PARVA: variants seen among roughly 807,000 people sequenced by gnomAD.
PARVA encodes the protein parvin alpha, also known as alpha-parvin.
In PARVA, 25 loss-of-function variants were observed where a neutral mutation model predicts 52.6. The ratio of observed to expected loss-of-function variants is 0.48; its 90% CI spans 0.35 to 0.66. PARVA has a LOEUF of 0.66. Among genes scored for constraint, PARVA ranks in the 30% least tolerant of loss-of-function variants. PARVA has a pLI of 0.01. For missense variants in PARVA, 373 were observed against 450.9 expected (o/e 0.83, Z 1.56); for synonymous variants, 185 against 179.1 (o/e 1.03, Z -0.26).
chr11:12,518,327 G>C, intron 11 of PARVA, 118 bp from the exon 12 acceptor site: 1 of 727,776 alleles, frequency 1.4e-6, no homozygotes, highest in South Asian at 1.7e-5. Context: ...ATTTCTCCTT[G>C]AAATTAGTTC....
chr11:12,416,138 C>T lies in PARVA; in HGVS notation c.136+38355C>T, dbSNP rs138217204. On this transcript the variant is annotated intron_variant, in intron 1 of 12. Transcript: ENST00000334956. ...CCTTGGTGAAACTGATGGACTAGCA[C>T]AGTTTTAGAAAAATTTTCATCCGTA... Among the ~76,000 whole-genome samples the T allele has an allele frequency of 1.4e-3, 208 of 152,268 alleles. 4 individuals are homozygous for T. The East Asian group carries it at 0.036, about 26-fold the overall frequency.
chr11:12,453,069 TG>T (rs1370277971), intron 1 of PARVA: 1 of 455,024 alleles, frequency 2.2e-6, no homozygotes, highest in Non-Finnish European at 4.4e-6. Context: ...CGTGCTGTGG[TG>T]GGAGCGATTC....
intron 1 of PARVA, among the ~76,000 whole-genome samples, chr11:12,448,606 T>C (rs1048833477): frequency 5.9e-5 from 9 of 152,278 alleles, no homozygotes; most frequent in Non-Finnish European, 1.2e-4. Context: ...CTGTCGTTTA[T>C]TGGAATGAAG....
chr11:12,516,937 A>T (rs1456725608), intron 10 of PARVA, among the ~76,000 whole-genome samples: 1 of 152,140 alleles, frequency 6.6e-6, no homozygotes, highest in Non-Finnish European at 1.5e-5. Context: ...GCCCACATTC[A>T]TAACAGCTGC....
chr11:12,530,964 G>A lies in PARVA; in HGVS notation c.*3039G>A, dbSNP rs568107716. Among the ~76,000 whole-genome samples the A allele has an allele frequency of 3.3e-5, 5 of 152,136 alleles. No homozygotes were observed. The highest frequency in any genetic ancestry group is 1.2e-4 in the African/African-American group (5 of 41,422). ...CAGAGGCTGGGGCACATTATCAGAG[G>A]CATCCTCATGTGCCTCGAACCGAAT... On this transcript the variant is annotated 3_prime_UTR_variant, in exon 13 of 13. Coordinates refer to ENST00000334956, the MANE Select transcript of PARVA (RefSeq NM_018222.5).
rs562629615 is a variant in PARVA at position 12,428,472 on chromosome 11, A to G, written c.137-45273A>G. ...CTGGGGCCTGAGGACTGAGATGACC[A>G]AGACCCAGTCTCAAGTCACTATCTT... On this transcript the variant is annotated intron_variant, in intron 1 of 12. Transcript: ENST00000334956. 1.2e-3 allele frequency among the ~76,000 whole-genome samples: 184 copies of G among 152,382 alleles called. 8 individuals are homozygous for G. The South Asian group carries it at 0.038, about 31-fold the overall frequency.
chr11:12,445,056 G>C (rs1016718880), intron 1 of PARVA, among the ~76,000 whole-genome samples: 4 of 152,162 alleles, frequency 2.6e-5, no homozygotes, highest in African/African-American at 9.7e-5. Context: ...TGAGTGCACA[G>C]AGCCAACTGT....
intron 1 of PARVA, chr11:12,452,689 C>G (rs912435408): frequency 8.9e-6 from 2 of 223,754 alleles, no homozygotes; most frequent in Admixed American, 4.7e-5. Context: ...TAACTTATAC[C>G]CCGAATGAGC....
intron 1 of PARVA, among the ~76,000 whole-genome samples, chr11:12,381,392 A>G (rs1565322015): frequency 6.6e-6 from 1 of 152,158 alleles, no homozygotes; most frequent in African/African-American, 2.4e-5. Flanking sequence ...CTGTCCACAG[A>G]TTATCTCAGT....
chr11:12,464,132 A>G (rs1299188050), intron 1 of PARVA, among the ~76,000 whole-genome samples: 3 of 152,166 alleles, frequency 2.0e-5, no homozygotes, highest in African/African-American at 7.2e-5. Context: ...GGCTCTATGT[A>G]CATTCATTGC....
At chr11:12,379,865 TTTCTAACTTC>T (rs1176760560) in intron 1 of PARVA, among the ~76,000 whole-genome samples, 1 of 152,210 alleles carries the variant, frequency 6.6e-6, no homozygotes, top group African/African-American at 2.4e-5. Flanking sequence ...CTAGACCATG[TTTCTAACTTC>T]TTCCTTGCAG....
At chr11:12,512,193 G>C (rs1423237481) in intron 8 of PARVA, among the ~76,000 whole-genome samples, 2 of 152,170 alleles carry the variant, frequency 1.3e-5, no homozygotes, top group Non-Finnish European at 2.9e-5. Flanking sequence ...CATTTTCAGG[G>C]CAGTTCTGCT....
intron 12 of PARVA, among the ~76,000 whole-genome samples, chr11:12,520,528 G>A (rs1454346678): frequency 6.6e-6 from 1 of 152,212 alleles, no homozygotes; most frequent in Non-Finnish European, 1.5e-5. Context: ...TCAAAGCTCT[G>A]TTGTGCCTTG....
intron 1 of PARVA, among the ~76,000 whole-genome samples, chr11:12,426,987 A>G (rs10741589): frequency 0.45 from 68,579 of 152,052 alleles, 17,822 homozygotes; most frequent in South Asian, 0.61. Context: ...TGGACCAAAA[A>G]AAGGCTTTGA....
upstream of PARVA, chr11:12,376,710 G>A (rs1939394017): frequency 2.0e-6 from 2 of 984,318 alleles, no homozygotes; most frequent in African/African-American, 3.5e-5. Context: ...GAAGGACAAA[G>A]AGCCAGAGTG....
At chr11:12,427,959 G>T (rs1054691681) in intron 1 of PARVA, among the ~76,000 whole-genome samples, 1 of 152,186 alleles carries the variant, frequency 6.6e-6, no homozygotes, top group African/African-American at 2.4e-5. Context: ...AGCAGAACCT[G>T]GAGGGCAGCT....
chr11:12,527,820 A>T, intron 12 of PARVA, 29 bp from the exon 13 acceptor site: 2 of 1,565,988 alleles, frequency 1.3e-6, no homozygotes, highest in Non-Finnish European at 8.8e-7. Context: ...CCCCATGGAA[A>T]CAATTGGTGT....
At chr11:12,505,259 G>T (rs1377714332) in intron 6 of PARVA, among the ~76,000 whole-genome samples, 1 of 152,206 alleles carries the variant, frequency 6.6e-6, no homozygotes, top group Admixed American at 6.5e-5. Context: ...GCAGCTCCCT[G>T]GCGATCCAGG....
intron 1 of PARVA, among the ~76,000 whole-genome samples, chr11:12,383,323 T>C (rs1282325684): frequency 6.6e-6 from 1 of 152,224 alleles, no homozygotes. Context: ...AGACGTGCTC[T>C]TTCAAGCAAC....
Sources: allele counts gnomAD v4.1 joint callset (sites outside exome capture counted in the v4.1 genomes callset), GRCh38; gene constraint gnomAD v4.1.1; transcripts MANE v1.5; gene names NCBI Gene and HGNC (gene_info 2026-07-23, HGNC 2026-07-21).